Variants in PTPRD observed in about 807,000 individuals in gnomAD.
PTPRD encodes the protein receptor-type tyrosine-protein phosphatase delta.
Under a neutral mutation model 214.5 loss-of-function variants are expected in PTPRD, and 34 were observed. The ratio of observed to expected loss-of-function variants is 0.16; its 90% CI spans 0.12 to 0.21. The LOEUF is 0.21. Ranked by LOEUF, PTPRD falls within the 10% of genes least tolerant of loss-of-function variation. PTPRD has a pLI of 1.00. For synonymous variants in PTPRD, 1,128 were observed against 845.7 expected, an observed-to-expected ratio of 1.33 and a Z score of -5.79; for missense variants, 2,545 against 2,398.7, an observed-to-expected ratio of 1.06 and a Z score of -1.27.
At chr9:9,422,065 T>A (rs766593237) in intron 8 of PTPRD, among the ~76,000 whole-genome samples, 3 of 152,118 alleles carry the variant, frequency 2.0e-5, no homozygotes, top group Non-Finnish European at 4.4e-5. Flanking sequence ...GGTATTTAAG[T>A]CACATATTTG....
intron 8 of PTPRD, among the ~76,000 whole-genome samples, chr9:9,484,454 A>C (rs1002091584): frequency 1.3e-5 from 2 of 152,162 alleles, no homozygotes; most frequent in African/African-American, 2.4e-5. Flanking sequence ...ATGTACTACT[A>C]TATCTTGATC....
chr9:8,467,766 T>C (rs1363495197), intron 31 of PTPRD, among the ~76,000 whole-genome samples: 4 of 150,134 alleles, frequency 2.7e-5, no homozygotes, highest in African/African-American at 9.8e-5. Flanking sequence ...TTTTCTTGAT[T>C]CTTTTCATAT....
chr9:9,279,841 G>C (rs1296094961), intron 9 of PTPRD, among the ~76,000 whole-genome samples: 1 of 150,816 alleles, frequency 6.6e-6, no homozygotes, highest in South Asian at 2.1e-4. Flanking sequence ...TAAAACTATG[G>C]TCATACTTAT....
At chr9:10,604,894 T>A (rs2078907337) in intron 2 of PTPRD, among the ~76,000 whole-genome samples, 1 of 151,918 alleles carries the variant, frequency 6.6e-6, no homozygotes, top group South Asian at 2.1e-4. Flanking sequence ...TTTTTGAAGG[T>A]GAAACAATAT....
intron 5 of PTPRD, among the ~76,000 whole-genome samples, chr9:9,928,601 T>G (rs1431171798): frequency 3.9e-5 from 6 of 152,128 alleles, no homozygotes; most frequent in Non-Finnish European, 5.9e-5. Context: ...ATGATTAACA[T>G]GGAAAAATCC....
chr9:9,032,650 T>A (rs2099609394), intron 10 of PTPRD, among the ~76,000 whole-genome samples: 1 of 152,028 alleles, frequency 6.6e-6, no homozygotes, highest in African/African-American at 2.4e-5. Context: ...GGATGTGACA[T>A]TTTCTGCATA....
At chr9:9,578,705 G>C (rs1473821598) in intron 7 of PTPRD, among the ~76,000 whole-genome samples, 1 of 151,998 alleles carries the variant, frequency 6.6e-6, no homozygotes, top group Non-Finnish European at 1.5e-5. Flanking sequence ...GCTCAGAAAA[G>C]TTTCATATAT....
intron 7 of PTPRD, among the ~76,000 whole-genome samples, chr9:9,600,495 T>C (rs775322379): frequency 1.3e-5 from 2 of 152,102 alleles, no homozygotes; most frequent in Admixed American, 6.6e-5. Flanking sequence ...CACACTGGCA[T>C]GTGAAGACAG....
intron 14 of PTPRD, among the ~76,000 whole-genome samples, chr9:8,613,584 T>TA (rs1481610237): frequency 6.6e-6 from 1 of 152,190 alleles, no homozygotes; most frequent in Non-Finnish European, 1.5e-5. Context: ...CCTGCCTCTC[T>TA]AGCACCCCCA....
rs71332760 is a variant in PTPRD at position 10,564,171 on chromosome 9, C to CTTTTTTTTT, written c.-600+48218_-600+48226dup. ...GTGTGCACCACCACACTAGGCTATT[C>CTTTTTTTTT]TTTTTTTTTTTTTTTTTTTTTTTTG... On this transcript the variant is annotated intron_variant, in intron 2 of 45. Transcript: ENST00000381196. 9.8e-3 allele frequency among the ~76,000 whole-genome samples: 287 copies of CTTTTTTTTT among 29,384 alleles called. 67 individuals are homozygous for CTTTTTTTTT. The highest frequency in any genetic ancestry group is 0.011 in the Non-Finnish European group (201 of 18,242). The allele number at this position is 29,384 out of a possible 152,430, so 19.3% of individuals were successfully genotyped here.
chr9:8,563,437 T>C (rs2087331766), intron 14 of PTPRD, among the ~76,000 whole-genome samples: 2 of 107,366 alleles, frequency 1.9e-5, no homozygotes, highest in Non-Finnish European at 3.4e-5. Context: ...TGATGTAGAC[T>C]TTTTTTTTTT....
chr9:9,115,357 G>C (rs2099811364), intron 10 of PTPRD, among the ~76,000 whole-genome samples: 1 of 151,984 alleles, frequency 6.6e-6, no homozygotes, highest in Non-Finnish European at 1.5e-5. Context: ...ATAAACAAAT[G>C]GCCGACAAAC....
At chr9:8,854,324 TA>T (rs2097873708) in intron 11 of PTPRD, among the ~76,000 whole-genome samples, 1 of 152,176 alleles carries the variant, frequency 6.6e-6, no homozygotes, top group African/African-American at 2.4e-5. Context: ...TGTTTTAAAA[TA>T]AAAGGTAAAC....
At chr9:8,542,367 C>G (rs1054309700) in intron 14 of PTPRD, among the ~76,000 whole-genome samples, 2 of 151,974 alleles carry the variant, frequency 1.3e-5, no homozygotes, top group African/African-American at 4.8e-5. Context: ...ACCGAGATAG[C>G]CCTGTGGCAA....
At chr9:9,333,531 C>T (rs1361094411) in intron 9 of PTPRD, among the ~76,000 whole-genome samples, 1 of 127,184 alleles carries the variant, frequency 7.9e-6, no homozygotes, top group Non-Finnish European at 1.5e-5. Context: ...TATATAAAGT[C>T]TGCAATGCAA....
chr9:9,105,866 G>T (rs1459315637), intron 10 of PTPRD, among the ~76,000 whole-genome samples: 2 of 152,060 alleles, frequency 1.3e-5, no homozygotes, highest in African/African-American at 2.4e-5. Context: ...GTAAAGAAAA[G>T]AATCCACACT....
intron 11 of PTPRD, among the ~76,000 whole-genome samples, chr9:8,764,788 C>G (rs2094605270): frequency 1.4e-5 from 2 of 139,728 alleles, no homozygotes; most frequent in Admixed American, 1.6e-4. Flanking sequence ...GAGAGTTTGT[C>G]TCAAAATAAT....
rs1343295063 is a variant in PTPRD, at chr9:8,500,819, G to C, written c.2063C>G (p.Thr688Arg). 2 of 1,614,190 alleles carry C rather than the reference G, an allele frequency of 1.2e-6. No homozygotes were observed. Among genetic ancestry groups the C allele is most frequent in the East Asian group, 2.2e-5 (1 of 44,876 alleles). Residue 688 changes from threonine (T) to arginine (R), a missense_variant, in exon 24 of 46, where the codon ACA becomes AGA. Physicochemically the swap from Thr to Arg is moderately conservative, Grantham distance 71. Coordinates refer to ENST00000381196, the MANE Select transcript of PTPRD (RefSeq NM_002839.4). ...EKWTEYRITV[T>R]AHTDVGPGPE... is the part of the protein sequence containing the mutation. ...GCCAGGGCCGACATCTGTATGGGCT[G>C]TCACAGTGATCCGGTATTCAGTCCA...
At chr9:10,519,306 C>A (rs563868696) in intron 2 of PTPRD, among the ~76,000 whole-genome samples, 1 of 142,128 alleles carries the variant, frequency 7.0e-6, no homozygotes, top group Admixed American at 7.0e-5. Context: ...ATTTAATGAC[C>A]TGCGAATTCT....
Sources: gnomAD v4.1 joint callset for allele counts (sites outside exome capture counted in the v4.1 genomes callset) on GRCh38, gnomAD v4.1.1 for gene constraint, MANE v1.5 for transcripts, NCBI Gene and HGNC (gene_info 2026-07-23, HGNC 2026-07-21) for gene names.